Variants in CSTPP1 observed in about 807,000 individuals in gnomAD.
CSTPP1 encodes centriolar satellite-associated tubulin polyglutamylase complex regulator 1, also known as UPF0705 protein C11orf49.
chr11:47,155,629 TGA>T, the CSTPP1 span: 2 of 251,714 alleles, frequency 7.9e-6, no homozygotes, highest in African/African-American at 2.2e-5. Context: ...ACAACAGCCT[TGA>T]GAGAGAGTCC....
At chr11:47,018,275 T>A in the CSTPP1 span, among the ~76,000 whole-genome samples, 3 of 150,742 alleles carry the variant, frequency 2.0e-5, no homozygotes, top group African/African-American at 7.3e-5. Flanking sequence ...CTCAATCACA[T>A]GGTATGTTTA....
At chr11:47,030,428 C>T in the CSTPP1 span, among the ~76,000 whole-genome samples, 6 of 152,298 alleles carry the variant, frequency 3.9e-5, no homozygotes, top group African/African-American at 1.2e-4. Flanking sequence ...ATTTGGTCCT[C>T]TTGCCCATGT....
the CSTPP1 span, among the ~76,000 whole-genome samples, chr11:47,115,164 A>G: frequency 6.6e-6 from 1 of 152,256 alleles, no homozygotes; most frequent in Non-Finnish European, 1.5e-5. Context: ...CCAGCCTTGC[A>G]TCCCAGGGAT....
chr11:46,975,545 T>G, the CSTPP1 span, among the ~76,000 whole-genome samples: 32 of 152,308 alleles, frequency 2.1e-4, no homozygotes, highest in South Asian at 4.8e-3. Context: ...CTTTAGCTCC[T>G]TTTACTTTAG....
the CSTPP1 span, among the ~76,000 whole-genome samples, chr11:47,138,979 C>CAAAAAAAAAAA: frequency 2.0e-4 from 8 of 40,898 alleles, 1 homozygote; most frequent in Admixed American, 4.9e-4. Context: ...GACTCCGTCT[C>CAAAAAAAAAAA]AAAAAAAAAA....
the CSTPP1 span, among the ~76,000 whole-genome samples, chr11:47,002,576 G>A: frequency 3.3e-5 from 5 of 152,174 alleles, no homozygotes; most frequent in Middle Eastern, 3.4e-3. Flanking sequence ...AAAGGTTACA[G>A]AAGTAATAAT....
the CSTPP1 span, among the ~76,000 whole-genome samples, chr11:47,065,294 C>T: frequency 6.6e-6 from 1 of 151,446 alleles, no homozygotes; most frequent in African/African-American, 2.4e-5. Flanking sequence ...TTATTTAGGT[C>T]ATCTTCAGTT....
the CSTPP1 span, among the ~76,000 whole-genome samples, chr11:46,961,645 C>A: frequency 6.6e-6 from 1 of 152,026 alleles, no homozygotes; most frequent in Non-Finnish European, 1.5e-5. Context: ...AAATGGTTAC[C>A]TAAACCAAGT....
the CSTPP1 span, among the ~76,000 whole-genome samples, chr11:47,049,389 C>A: frequency 1.3e-5 from 2 of 152,084 alleles, no homozygotes; most frequent in East Asian, 4.0e-4. Flanking sequence ...GTAATCCCAA[C>A]ACTTTGGGAG....
chr11:46,987,205 C>A, the CSTPP1 span: 6 of 1,613,282 alleles, frequency 3.7e-6, no homozygotes, highest in African/African-American at 5.3e-5. Context: ...TATTTGATTG[C>A]AGCTCAGCGA....
chr11:47,159,502 A>G, the CSTPP1 span: 6 of 405,520 alleles, frequency 1.5e-5, no homozygotes, highest in Admixed American at 1.5e-4. Context: ...AGAGCAAGAC[A>G]GTCTCAAAAA....
chr11:47,158,921 C>A, the CSTPP1 span, among the ~76,000 whole-genome samples: 1 of 152,186 alleles, frequency 6.6e-6, no homozygotes, highest in East Asian at 1.9e-4. Flanking sequence ...CACACAGCAT[C>A]CCCCTTCCTT....
At chr11:47,014,360 GAAGAAAGAAAAA>G in the CSTPP1 span, among the ~76,000 whole-genome samples, 4 of 140,370 alleles carry the variant, frequency 2.8e-5, no homozygotes, top group Non-Finnish European at 4.7e-5. Context: ...AGAAAGGAAG[GAAGAAAGAAAAA>G]AAGAAAGAAA....
At chr11:47,107,700 A>G in the CSTPP1 span, among the ~76,000 whole-genome samples, 1 of 152,282 alleles carries the variant, frequency 6.6e-6, no homozygotes, top group East Asian at 1.9e-4. Flanking sequence ...TTCTATTAGA[A>G]GATTCTCCTA....
At chr11:47,067,588 T>C in the CSTPP1 span, among the ~76,000 whole-genome samples, 1 of 152,202 alleles carries the variant, frequency 6.6e-6, no homozygotes, top group Non-Finnish European at 1.5e-5. Flanking sequence ...TAAGAGGAGA[T>C]ACCAGAGAGC....
the CSTPP1 span, among the ~76,000 whole-genome samples, chr11:46,959,578 C>T: frequency 1.3e-5 from 2 of 152,270 alleles, no homozygotes; most frequent in Admixed American, 1.3e-4. Flanking sequence ...TCCATTTTTA[C>T]CTTTACTTAC....
At chr11:47,099,302 G>A in the CSTPP1 span, among the ~76,000 whole-genome samples, 1 of 152,160 alleles carries the variant, frequency 6.6e-6, no homozygotes, top group Non-Finnish European at 1.5e-5. Context: ...AAATCTGGAA[G>A]GGAAAATGCC....
At chr11:47,121,884 C>T in the CSTPP1 span, among the ~76,000 whole-genome samples, 1 of 150,694 alleles carries the variant, frequency 6.6e-6, no homozygotes, top group Admixed American at 6.6e-5. Context: ...CCAGCCTGGG[C>T]AACATAGTAA....
At chr11:47,157,250 C>A in the CSTPP1 span, 1 of 1,533,896 alleles carries the variant, frequency 6.5e-7, no homozygotes, top group East Asian at 2.3e-5. Flanking sequence ...CCCAGCCCCC[C>A]AGCCCCAGGG....
Sources: gnomAD v4.1 joint callset for allele counts (sites outside exome capture counted in the v4.1 genomes callset) on GRCh38, gnomAD v4.1.1 for gene constraint, MANE v1.5 for transcripts, NCBI Gene and HGNC (gene_info 2026-07-23, HGNC 2026-07-21) for gene names.